Variants in TCF12 observed in about 807,000 individuals in gnomAD.
The protein encoded by TCF12 is DNA-binding protein HTF4.
In TCF12, 45 loss-of-function variants were observed where a neutral mutation model predicts 86.0. The ratio of observed to expected loss-of-function variants is 0.52; its 90% CI spans 0.41 to 0.67. The LOEUF is 0.67. Among genes scored for constraint, TCF12 ranks in the 30% least tolerant of loss-of-function variants. The pLI, the probability that TCF12 is intolerant of heterozygous loss-of-function variation, is 0.00. For synonymous variants in TCF12, 330 were observed against 299.6 expected, an observed-to-expected ratio of 1.10 and a Z score of -1.05; for missense variants, 881 against 859.9, an observed-to-expected ratio of 1.02 and a Z score of -0.31.
intron 7 of TCF12, among the ~76,000 whole-genome samples, chr15:57,195,001 C>T (rs1362761129): frequency 1.3e-5 from 2 of 152,194 alleles, no homozygotes; most frequent in Admixed American, 6.5e-5. Flanking sequence ...CTCCCGGGCT[C>T]AAGCGAGTCT....
intron 8 of TCF12, among the ~76,000 whole-genome samples, chr15:57,223,638 A>T (rs1224248871): frequency 2.2e-5 from 1 of 44,494 alleles, no homozygotes; most frequent in African/African-American, 4.0e-5. Flanking sequence ...CTGCCTACCA[A>T]TGAGGTTTTT....
intron 13 of TCF12, among the ~76,000 whole-genome samples, chr15:57,249,596 T>G (rs898321592): frequency 6.6e-6 from 1 of 152,162 alleles, no homozygotes; most frequent in Admixed American, 6.5e-5. Context: ...CTACATTGTT[T>G]CATAATTAAA....
chr15:56,927,977 G>A (rs1469342168), intron 3 of TCF12, among the ~76,000 whole-genome samples: 1 of 152,110 alleles, frequency 6.6e-6, no homozygotes, highest in African/African-American at 2.4e-5. Context: ...GTCATTCTTT[G>A]ACCTGTGCTT....
At chr15:57,029,892 A>G (rs574167401) in intron 3 of TCF12, among the ~76,000 whole-genome samples, 9 of 152,286 alleles carry the variant, frequency 5.9e-5, no homozygotes, top group African/African-American at 2.2e-4. Context: ...AGATTCAACT[A>G]TGTTGTAGGT....
At chr15:57,079,164 C>T (rs2070400461) in intron 4 of TCF12, among the ~76,000 whole-genome samples, 1 of 152,186 alleles carries the variant, frequency 6.6e-6, no homozygotes, top group Non-Finnish European at 1.5e-5. Flanking sequence ...CTTTTAATTA[C>T]ATGTATTAGC....
chr15:56,923,162 G>T (rs1003830773), intron 3 of TCF12, among the ~76,000 whole-genome samples: 1 of 152,002 alleles, frequency 6.6e-6, no homozygotes, highest in Non-Finnish European at 1.5e-5. Context: ...TTATAGTCAG[G>T]TATTGTAATT....
chr15:56,942,897 C>T (rs1038143535), intron 3 of TCF12, among the ~76,000 whole-genome samples: 13 of 152,080 alleles, frequency 8.5e-5, no homozygotes, highest in Admixed American at 3.3e-4. Context: ...TTCTAGGTGA[C>T]ATGGGAAGAA....
chr15:57,226,999 T>G (rs2058915683), intron 8 of TCF12, among the ~76,000 whole-genome samples: 1 of 152,028 alleles, frequency 6.6e-6, no homozygotes, highest in South Asian at 2.1e-4. Context: ...TAAAGCATTC[T>G]TCTTATTTTC....
At chr15:57,205,455 A>G (rs1041847318) in intron 8 of TCF12, among the ~76,000 whole-genome samples, 4 of 152,240 alleles carry the variant, frequency 2.6e-5, no homozygotes, top group African/African-American at 9.6e-5. Context: ...GAGTTAGAAT[A>G]GGTATTTGCT....
intron 5 of TCF12, among the ~76,000 whole-genome samples, chr15:57,129,286 T>C (rs2051923782): frequency 6.6e-6 from 1 of 152,068 alleles, no homozygotes; most frequent in Non-Finnish European, 1.5e-5. Flanking sequence ...ATAGGTTGGG[T>C]GCTATGGCTT....
At chr15:57,111,517 C>T (rs1268523068) in intron 5 of TCF12, among the ~76,000 whole-genome samples, 1 of 151,772 alleles carries the variant, frequency 6.6e-6, no homozygotes, top group Non-Finnish European at 1.5e-5. Context: ...CCACAGGAGG[C>T]CCAACTCCCA....
At chr15:57,080,178 TA>T (rs2070501756) in intron 4 of TCF12, among the ~76,000 whole-genome samples, 1 of 152,262 alleles carries the variant, frequency 6.6e-6, no homozygotes, top group African/African-American at 2.4e-5. Context: ...ATTTATCATT[TA>T]AAGGTTATCT....
chr15:57,232,520 A>G, intron 10 of TCF12, 90 bp downstream of exon 10: 1 of 1,508,746 alleles, frequency 6.6e-7, no homozygotes, highest in Non-Finnish European at 8.8e-7. Flanking sequence ...TAAGTCTGCC[A>G]AAACTTCTGA....
At position 57,114,441 on chromosome 15, in the gene TCF12, C is replaced by A. The variant is rs184008556; in HGVS notation, c.325+22550C>A. On this transcript the variant is annotated intron_variant, in intron 5 of 20. Coordinates refer to ENST00000333725, the MANE Select transcript of TCF12 (RefSeq NM_207037.2). The stretch of plus-strand genomic sequence containing the variant: ...AAGTAGTCGGGAGTACAGGTGCACA[C>A]CACCACACCTAGCTAATTTTTTTAT... Among the ~76,000 whole-genome samples, 644 of 152,232 alleles carry A rather than the reference C, an allele frequency of 4.2e-3. 22 individuals carry two copies. The highest frequency in any genetic ancestry group is 0.039 in the Admixed American group (599 of 15,286).
intron 5 of TCF12, among the ~76,000 whole-genome samples, chr15:57,149,433 T>TA: frequency 6.6e-6 from 1 of 152,362 alleles, no homozygotes; most frequent in South Asian, 2.1e-4. Flanking sequence ...GCCAGCCTTT[T>TA]AACCTTTTAG....
At chr15:57,055,163 G>A (rs1447154186) in intron 3 of TCF12, among the ~76,000 whole-genome samples, 2 of 152,072 alleles carry the variant, frequency 1.3e-5, no homozygotes, top group African/African-American at 4.8e-5. Context: ...CACTTTGGGA[G>A]GCCGAAGCAG....
chr15:57,273,029 G>T lies in TCF12; in HGVS notation c.1746-1G>T. The T allele has an allele frequency of 6.2e-7, 1 of 1,613,414 alleles. No individual in the cohort carries two copies. Among genetic ancestry groups the T allele is most frequent in the Non-Finnish European group, 8.5e-7 (1 of 1,179,600 alleles). On this transcript the variant is annotated splice_acceptor_variant, in intron 18 of 20. Transcript: ENST00000333725. LOFTEE classifies it high-confidence loss of function. The stretch of plus-strand genomic sequence containing the variant: ...GACCTTGTTGTTACTTTATTTTCTA[G>T]CAGTACTAATGAAGATGAGGATTTG...
intron 5 of TCF12, among the ~76,000 whole-genome samples, chr15:57,165,062 A>T (rs1338789097): frequency 6.6e-6 from 1 of 152,168 alleles, no homozygotes; most frequent in Non-Finnish European, 1.5e-5. Context: ...ATCAATGCCT[A>T]TAAAGCTGAA....
intron 12 of TCF12, among the ~76,000 whole-genome samples, chr15:57,236,820 T>C (rs1263393920): frequency 6.6e-6 from 1 of 151,262 alleles, no homozygotes; most frequent in Non-Finnish European, 1.5e-5. Context: ...CCCTGTGGAT[T>C]ATGCATTAGT....
Sources: allele counts gnomAD v4.1 joint callset (sites outside exome capture counted in the v4.1 genomes callset), GRCh38; gene constraint gnomAD v4.1.1; transcripts MANE v1.5; gene names NCBI Gene and HGNC (gene_info 2026-07-23, HGNC 2026-07-21).